Variants in SPOCK1 observed in about 807,000 individuals in gnomAD.
The protein encoded by SPOCK1 is SPARC (osteonectin), cwcv and kazal like domains proteoglycan 1.
In SPOCK1, 23 loss-of-function variants were observed where a neutral mutation model predicts 55.3. The observed-to-expected ratio is 0.42, with a 90% CI of 0.30 to 0.59. The LOEUF is 0.59. SPOCK1 is among the 20% of genes least tolerant of loss of function. The pLI, the probability that SPOCK1 is intolerant of heterozygous loss-of-function variation, is 0.22. For missense variants in SPOCK1, 499 were observed against 552.5 expected (o/e 0.90, Z 0.97); for synonymous variants, 226 against 221.0 (o/e 1.02, Z -0.20).
rs533625273 is a variant in SPOCK1, at chr5:137,347,339, G to A, written c.187-80284C>T. On this transcript the variant is annotated intron_variant, in intron 2 of 10. Coordinates refer to ENST00000394945, the MANE Select transcript of SPOCK1 (RefSeq NM_004598.4). Reference sequence around the variant, plus strand: ...CCTCTAACAGGGTGTAATTTCTCACGCGTCAGAGTTTAAGCACACTGCCTG... The same window carrying A: ...CCTCTAACAGGGTGTAATTTCTCACACGTCAGAGTTTAAGCACACTGCCTG... 1.1e-4 allele frequency among the ~76,000 whole-genome samples: 17 copies of A among 152,208 alleles called. 1 individual carries two copies. The East Asian group carries it at 1.4e-3, about 12-fold the overall frequency.
At chr5:137,423,391 A>G (rs1409226268) in intron 2 of SPOCK1, among the ~76,000 whole-genome samples, 1 of 152,196 alleles carries the variant, frequency 6.6e-6, no homozygotes, top group African/African-American at 2.4e-5. Flanking sequence ...GGTGGAGTCT[A>G]CAGAGGCAGG....
intron 2 of SPOCK1, among the ~76,000 whole-genome samples, chr5:137,344,705 T>G (rs894550320): frequency 6.6e-6 from 1 of 152,226 alleles, no homozygotes; most frequent in Admixed American, 6.5e-5. Context: ...TGTCAAGCAA[T>G]GGTTTTAAAC....
At chr5:137,131,197 G>C (rs1457212100) in intron 4 of SPOCK1, among the ~76,000 whole-genome samples, 1 of 152,068 alleles carries the variant, frequency 6.6e-6, no homozygotes, top group Non-Finnish European at 1.5e-5. Context: ...GATGAGTTTT[G>C]GCAGAACAGC....
At chr5:137,112,250 A>G (rs1367712439) in intron 5 of SPOCK1, among the ~76,000 whole-genome samples, 185 bp downstream of exon 5, 1 of 152,212 alleles carries the variant, frequency 6.6e-6, no homozygotes, top group African/African-American at 2.4e-5. Context: ...TACACAGGAT[A>G]GAATATTTTT....
intron 2 of SPOCK1, among the ~76,000 whole-genome samples, chr5:137,356,710 G>A (rs1750808513): frequency 6.8e-6 from 1 of 147,720 alleles, no homozygotes; most frequent in African/African-American, 2.5e-5. Context: ...AGAATCACTT[G>A]AACCCATGGA....
chr5:137,143,315 GC>G (rs1754134246), intron 3 of SPOCK1, among the ~76,000 whole-genome samples: 1 of 152,162 alleles, frequency 6.6e-6, no homozygotes, highest in Admixed American at 6.5e-5. Flanking sequence ...GCTTATTTTT[GC>G]CTCTGTATCC....
intron 9 of SPOCK1, among the ~76,000 whole-genome samples, chr5:136,982,828 G>T (rs549764834): frequency 6.6e-6 from 1 of 152,268 alleles, no homozygotes; most frequent in African/African-American, 2.4e-5. Flanking sequence ...TGAGTCTGGG[G>T]TTAGTAAGCT....
chr5:137,041,745 T>C (rs1752002341), intron 6 of SPOCK1, among the ~76,000 whole-genome samples: 1 of 152,172 alleles, frequency 6.6e-6, no homozygotes, highest in Non-Finnish European at 1.5e-5. Flanking sequence ...ATTCAAACAA[T>C]AATACCATAT....
intron 2 of SPOCK1, among the ~76,000 whole-genome samples, chr5:137,425,709 G>C (rs1443070434): frequency 2.6e-5 from 4 of 152,182 alleles, no homozygotes; most frequent in African/African-American, 9.7e-5. Flanking sequence ...AGTACAGCAA[G>C]CCACTAAATA....
intron 2 of SPOCK1, among the ~76,000 whole-genome samples, chr5:137,288,391 A>G (rs1315284978): frequency 6.6e-6 from 1 of 152,200 alleles, no homozygotes; most frequent in Non-Finnish European, 1.5e-5. Context: ...TGCCCACAAC[A>G]TAGAAAGACC....
chr5:137,462,535 A>G (rs149721711), intron 2 of SPOCK1, among the ~76,000 whole-genome samples: 2 of 152,272 alleles, frequency 1.3e-5, no homozygotes, highest in African/African-American at 4.8e-5. Context: ...CAGCTCCGCC[A>G]CTTCTCATCT....
At chr5:137,149,893 A>G (rs992174590) in intron 3 of SPOCK1, among the ~76,000 whole-genome samples, 13 of 152,036 alleles carry the variant, frequency 8.6e-5, no homozygotes, top group Non-Finnish European at 1.8e-4. Context: ...GGGTTACTCA[A>G]CTCTTTAGGA....
chr5:137,422,667 A>T (rs1244666047), intron 2 of SPOCK1, among the ~76,000 whole-genome samples: 1 of 152,104 alleles, frequency 6.6e-6, no homozygotes, highest in East Asian at 1.9e-4. Flanking sequence ...TGCATTGGTT[A>T]TTCTAGTTAG....
intron 2 of SPOCK1, among the ~76,000 whole-genome samples, chr5:137,443,328 T>C (rs1383408922): frequency 6.6e-6 from 1 of 152,156 alleles, no homozygotes; most frequent in African/African-American, 2.4e-5. Flanking sequence ...TCCTCCCTCT[T>C]TCTTTGGTCC....
chr5:137,429,868 A>C (rs1021384392), intron 2 of SPOCK1, among the ~76,000 whole-genome samples: 2 of 152,208 alleles, frequency 1.3e-5, no homozygotes, highest in Non-Finnish European at 2.9e-5. Context: ...AAATCTTACA[A>C]CACTATGGCA....
chr5:136,987,743 T>C (rs571131603), intron 8 of SPOCK1, among the ~76,000 whole-genome samples: 9 of 151,934 alleles, frequency 5.9e-5, no homozygotes, highest in Admixed American at 1.3e-4. Context: ...GTTCTCCCGA[T>C]GTGGGCCTGT....
chr5:137,019,152 C>T (rs1048102208), intron 6 of SPOCK1, among the ~76,000 whole-genome samples: 2 of 152,102 alleles, frequency 1.3e-5, no homozygotes, highest in Non-Finnish European at 2.9e-5. Context: ...ATCCAATCTT[C>T]CTTAAAATCA....
rs150536567 is a variant in SPOCK1 at position 137,177,328 on chromosome 5, C to G, written c.233-36634G>C. Among the ~76,000 whole-genome samples the G allele has an allele frequency of 3.0e-3, 454 of 152,258 alleles. 5 individuals carry two copies. Among genetic ancestry groups the G allele is most frequent in the African/African-American group, 0.011 (439 of 41,554 alleles). On this transcript the variant is annotated intron_variant, in intron 3 of 10. Transcript: ENST00000394945. ...CCTGCAGTACAGGTCTGCTGGGGGC[C>G]ATCCCCAGGTTATCAAAGGCATCTT...
chr5:137,480,715 T>C (rs1435933653), intron 2 of SPOCK1, among the ~76,000 whole-genome samples: 2 of 152,020 alleles, frequency 1.3e-5, no homozygotes, highest in East Asian at 1.9e-4. Context: ...TAAAGAACCA[T>C]TGTATCTATT....
Sources: allele counts gnomAD v4.1 joint callset (sites outside exome capture counted in the v4.1 genomes callset), GRCh38; gene constraint gnomAD v4.1.1; transcripts MANE v1.5; gene names NCBI Gene and HGNC (gene_info 2026-07-23, HGNC 2026-07-21).